LCLAT1: variants seen among roughly 807,000 people sequenced by gnomAD.
LCLAT1 encodes the protein 1-AGP acyltransferase 8.
Under a neutral mutation model 30.7 loss-of-function variants are expected in LCLAT1, and 11 were observed. The ratio of observed to expected loss-of-function variants is 0.36; its 90% CI spans 0.23 to 0.59. LCLAT1 has a LOEUF of 0.59. Ranked by LOEUF, LCLAT1 falls within the 20% of genes least tolerant of loss-of-function variation. The pLI, the probability that LCLAT1 is intolerant of heterozygous loss-of-function variation, is 0.77. For synonymous variants in LCLAT1, 155 were observed against 151.3 expected, an observed-to-expected ratio of 1.02 and a Z score of -0.18; for missense variants, 402 against 458.6, an observed-to-expected ratio of 0.88 and a Z score of 1.13.
At chr2:30,632,740 G>A (rs1167437809) in intron 5 of LCLAT1, among the ~76,000 whole-genome samples, 1 of 152,160 alleles carries the variant, frequency 6.6e-6, no homozygotes, top group African/African-American at 2.4e-5. Context: ...ACCCTACGAG[G>A]GTAGGGACTA....
chr2:30,496,446 G>T (rs2148334986), intron 1 of LCLAT1, among the ~76,000 whole-genome samples: 1 of 152,286 alleles, frequency 6.6e-6, no homozygotes, highest in South Asian at 2.1e-4. Flanking sequence ...CTGTATAGGT[G>T]GTGGACATGT....
At chr2:30,506,844 A>G (rs1308823544) in intron 1 of LCLAT1, among the ~76,000 whole-genome samples, 4 of 152,144 alleles carry the variant, frequency 2.6e-5, no homozygotes, top group African/African-American at 9.6e-5. Flanking sequence ...CTATCCATAG[A>G]TTTAAAAGAA....
intron 5 of LCLAT1, among the ~76,000 whole-genome samples, chr2:30,631,015 A>G (rs772692977): frequency 1.3e-5 from 2 of 152,220 alleles, no homozygotes; most frequent in Non-Finnish European, 2.9e-5. Flanking sequence ...ACCAGTTGAT[A>G]CTGTATCAGT....
chr2:30,495,798 C>G (rs990735153), intron 1 of LCLAT1, among the ~76,000 whole-genome samples: 1 of 152,062 alleles, frequency 6.6e-6, no homozygotes, highest in Non-Finnish European at 1.5e-5. Context: ...ACTTCTTTGC[C>G]TCATGGTTTT....
chr2:30,569,542 G>T (rs929041186), intron 5 of LCLAT1, among the ~76,000 whole-genome samples: 2 of 152,126 alleles, frequency 1.3e-5, no homozygotes, highest in Non-Finnish European at 2.9e-5. Flanking sequence ...TCTGGTAACT[G>T]ATATATTTTC....
Position 30,530,510 on chromosome 2 carries a change from C to T in LCLAT1, c.166-2606C>T, listed in dbSNP as rs372263124. ...TGCTGGATGTCAAGGGAGAGGATGT[C>T]ATGTTATATGAGATGTTCCTGGACA... On this transcript the variant is annotated intron_variant, in intron 2 of 5. Coordinates refer to ENST00000379509, the MANE Select transcript of LCLAT1 (RefSeq NM_001002257.3). Among the ~76,000 whole-genome samples the T allele has an allele frequency of 6.2e-4, 94 of 152,274 alleles. 2 individuals carry two copies. In the South Asian group the frequency reaches 0.012, roughly 20 times the overall value.
chr2:30,502,711 C>T (rs1684458247), intron 1 of LCLAT1, among the ~76,000 whole-genome samples: 1 of 112,598 alleles, frequency 8.9e-6, no homozygotes. Context: ...CCTCATCTCT[C>T]TCTTTTTTTT....
intron 1 of LCLAT1, among the ~76,000 whole-genome samples, chr2:30,451,542 A>G (rs1443593649): frequency 1.7e-4 from 26 of 152,258 alleles, no homozygotes. Flanking sequence ...TGATATGTTT[A>G]TAAGATGAAA....
chr2:30,461,140 G>A (rs1682100881), intron 1 of LCLAT1, among the ~76,000 whole-genome samples: 1 of 152,172 alleles, frequency 6.6e-6, no homozygotes, highest in East Asian at 1.9e-4. Context: ...GGACATTAGT[G>A]TGGATAGCAT....
intron 3 of LCLAT1, among the ~76,000 whole-genome samples, chr2:30,540,191 C>A (rs1250556699): frequency 6.6e-6 from 1 of 152,122 alleles, no homozygotes; most frequent in Non-Finnish European, 1.5e-5. Context: ...TGTTTTCTTG[C>A]ACTCAATTTT....
intron 1 of LCLAT1, among the ~76,000 whole-genome samples, chr2:30,466,091 A>G (rs1197662126): frequency 2.6e-5 from 4 of 152,108 alleles, no homozygotes; most frequent in Admixed American, 2.6e-4. Flanking sequence ...TTGCTTTATT[A>G]AAAATGATTA....
intron 1 of LCLAT1, among the ~76,000 whole-genome samples, chr2:30,496,151 A>G (rs1684100826): frequency 6.6e-6 from 1 of 152,102 alleles, no homozygotes; most frequent in Non-Finnish European, 1.5e-5. Context: ...ACGAGATCTC[A>G]TGAGAACTTA....
At chr2:30,628,882 G>A (rs1264990345) in intron 5 of LCLAT1, among the ~76,000 whole-genome samples, 2 of 152,140 alleles carry the variant, frequency 1.3e-5, no homozygotes, top group Non-Finnish European at 2.9e-5. Context: ...AGCTATAACA[G>A]AAATTTTCTT....
intron 1 of LCLAT1, among the ~76,000 whole-genome samples, chr2:30,502,015 T>A (rs577252943): frequency 3.3e-5 from 5 of 152,334 alleles, no homozygotes; most frequent in Admixed American, 3.3e-4. Flanking sequence ...TCGGAACAGA[T>A]GTTGCTGGGA....
chr2:30,517,313 C>G (rs1238946728), intron 1 of LCLAT1, among the ~76,000 whole-genome samples: 6 of 151,074 alleles, frequency 4.0e-5, no homozygotes, highest in African/African-American at 9.9e-5. Context: ...GGGAGTCTTG[C>G]CCCTGGTGTC....
intron 5 of LCLAT1, among the ~76,000 whole-genome samples, chr2:30,590,911 C>A (rs539024049): frequency 6.6e-6 from 1 of 152,238 alleles, no homozygotes; most frequent in South Asian, 2.1e-4. Context: ...AAATACACTG[C>A]ATGATTTGTA....
intron 5 of LCLAT1, among the ~76,000 whole-genome samples, chr2:30,573,635 A>G (rs537859925): frequency 1.0e-3 from 157 of 152,274 alleles, no homozygotes; most frequent in Non-Finnish European, 9.3e-4. Flanking sequence ...GTCACCTTAG[A>G]TAACAGTTCA....
chr2:30,563,687 AAG>A (rs1665343683), intron 4 of LCLAT1, among the ~76,000 whole-genome samples: 1 of 152,208 alleles, frequency 6.6e-6, no homozygotes, highest in South Asian at 2.1e-4. Context: ...CTTGGAATTT[AAG>A]AGAGGAGAAC....
chr2:30,581,751 C>A (rs1009177504), intron 5 of LCLAT1, among the ~76,000 whole-genome samples: 10 of 152,152 alleles, frequency 6.6e-5, no homozygotes, highest in African/African-American at 2.4e-4. Flanking sequence ...TTACTAGAGG[C>A]TGGAAAAGTG....
Sources: allele counts gnomAD v4.1 joint callset (sites outside exome capture counted in the v4.1 genomes callset), GRCh38; gene constraint gnomAD v4.1.1; transcripts MANE v1.5; gene names NCBI Gene and HGNC (gene_info 2026-07-23, HGNC 2026-07-21).